Variants in KIAA1958 observed in about 807,000 individuals in gnomAD.
KIAA1958 encodes the protein KIAA1958.
A neutral mutation model predicts 47.2 loss-of-function variants in KIAA1958; 14 were observed. The observed-to-expected ratio is 0.30, with a 90% CI of 0.20 to 0.46. The LOEUF is 0.46. Among genes scored for constraint, KIAA1958 ranks in the 20% least tolerant of loss-of-function variants. The pLI is 1.00. For synonymous variants in KIAA1958, 354 were observed against 353.3 expected, an observed-to-expected ratio of 1.00 and a Z score of -0.02; for missense variants, 803 against 909.2, an observed-to-expected ratio of 0.88 and a Z score of 1.50.
chr9:112,513,425 G>A (rs982140233), intron 1 of KIAA1958, among the ~76,000 whole-genome samples: 2 of 147,264 alleles, frequency 1.4e-5, no homozygotes, highest in African/African-American at 5.0e-5. Context: ...ATGCTGAGGT[G>A]CTTTCCCCTG....
At chr9:112,564,417 A>G (rs1696408611) in intron 1 of KIAA1958, among the ~76,000 whole-genome samples, 1 of 152,142 alleles carries the variant, frequency 6.6e-6, no homozygotes, top group Non-Finnish European at 1.5e-5. Flanking sequence ...AAGGTTCAGA[A>G]CCTTGTAAAC....
chr9:112,603,112 A>G (rs979683511), intron 2 of KIAA1958, among the ~76,000 whole-genome samples: 1 of 152,214 alleles, frequency 6.6e-6, no homozygotes, highest in African/African-American at 2.4e-5. Context: ...AAACAAGTAA[A>G]CAAAGAGATG....
At chr9:112,635,139 G>A (rs1836781215) in intron 2 of KIAA1958, among the ~76,000 whole-genome samples, 2 of 151,600 alleles carry the variant, frequency 1.3e-5, no homozygotes, top group Non-Finnish European at 2.9e-5. Context: ...CTGTTCACTA[G>A]CAGAGTTTGG....
rs375518828 is a variant in KIAA1958 at position 112,604,739 on chromosome 9, T to C, written c.1171+29488T>C. On this transcript the variant is annotated intron_variant, in intron 2 of 3. Coordinates refer to ENST00000337530, the MANE Select transcript of KIAA1958 (RefSeq NM_133465.4). Reference sequence around the variant, plus strand: ...ATGTCCAGAAGTTCTCCCCTTCTTATCATACTCAAGTGAAAGCTTGGGATG... The same window carrying C: ...ATGTCCAGAAGTTCTCCCCTTCTTACCATACTCAAGTGAAAGCTTGGGATG... Among the ~76,000 whole-genome samples the C allele has an allele frequency of 2.9e-4, 44 of 152,158 alleles. No individual in the cohort carries two copies. The South Asian group carries it at 8.7e-3, about 30-fold the overall frequency.
At chr9:112,644,510 A>G (rs919570079) in intron 2 of KIAA1958, among the ~76,000 whole-genome samples, 2 of 152,168 alleles carry the variant, frequency 1.3e-5, no homozygotes, top group African/African-American at 4.8e-5. Context: ...TTACTTTGAG[A>G]TGCTCTACCT....
At chr9:112,613,675 C>T (rs558317970) in intron 2 of KIAA1958, among the ~76,000 whole-genome samples, 9 of 152,162 alleles carry the variant, frequency 5.9e-5, no homozygotes, top group South Asian at 2.1e-4. Context: ...AATATTTGAA[C>T]GGGCACTTCA....
At chr9:112,500,148 C>G (rs1399759193) in intron 1 of KIAA1958, among the ~76,000 whole-genome samples, 1 of 152,036 alleles carries the variant, frequency 6.6e-6, no homozygotes, top group Non-Finnish European at 1.5e-5. Context: ...GTCGCCGAGC[C>G]TGGAGTGCAG....
intron 2 of KIAA1958, among the ~76,000 whole-genome samples, chr9:112,644,742 C>G (rs1028231538): frequency 6.6e-6 from 1 of 152,134 alleles, no homozygotes; most frequent in African/African-American, 2.4e-5. Flanking sequence ...TTTTCTCTCA[C>G]TTGACCTTCC....
At chr9:112,520,482 G>A (rs931771660) in intron 1 of KIAA1958, among the ~76,000 whole-genome samples, 1 of 152,182 alleles carries the variant, frequency 6.6e-6, no homozygotes, top group Admixed American at 6.5e-5. Flanking sequence ...TTCACAGTAA[G>A]AGCTGTGGTA....
intron 3 of KIAA1958, among the ~76,000 whole-genome samples, chr9:112,653,985 A>C (rs1296669331): frequency 1.3e-5 from 2 of 152,192 alleles, no homozygotes; most frequent in East Asian, 1.9e-4. Flanking sequence ...ACACACTGTC[A>C]CTTCTGGTTA....
intron 1 of KIAA1958, among the ~76,000 whole-genome samples, chr9:112,489,474 G>GT (rs5900004): frequency 0.31 from 43,604 of 141,332 alleles, 7,009 homozygotes; most frequent in African/African-American, 0.43. Flanking sequence ...ATGTTTTTGT[G>GT]TTTTTTTTTT....
chr9:112,576,386 C>G (rs1454227361), intron 2 of KIAA1958, among the ~76,000 whole-genome samples: 3 of 152,066 alleles, frequency 2.0e-5, no homozygotes, highest in Non-Finnish European at 2.9e-5. Context: ...AAAATTCACT[C>G]TTTTAAAGTG....
At chr9:112,647,810 A>G (rs1190824525) in intron 3 of KIAA1958, among the ~76,000 whole-genome samples, 1 of 152,232 alleles carries the variant, frequency 6.6e-6, no homozygotes, top group Non-Finnish European at 1.5e-5. Context: ...GCCTGGAGGC[A>G]ATTTCTGAAC....
At chr9:112,522,798 G>T (rs562573422) in intron 1 of KIAA1958, among the ~76,000 whole-genome samples, 1 of 152,196 alleles carries the variant, frequency 6.6e-6, no homozygotes, top group African/African-American at 2.4e-5. Flanking sequence ...TAGTTGAGAA[G>T]GTCTCAGCTC....
chr9:112,525,878 TC>T (rs1834629593), intron 1 of KIAA1958, among the ~76,000 whole-genome samples: 1 of 150,328 alleles, frequency 6.7e-6, no homozygotes, highest in South Asian at 2.1e-4. Context: ...CTTTTAGGGT[TC>T]TTGGAAGTGA....
At position 112,489,654 on chromosome 9, in the gene KIAA1958, A is replaced by T. The variant is rs568515666; in HGVS notation, c.-25+2536A>T. Reference sequence around the variant, plus strand: ...TTATTTTTCATTTTTCATGTTTGAAATTTTTTTCATTTATTTTGACAAATA... The same window carrying T: ...TTATTTTTCATTTTTCATGTTTGAATTTTTTTTCATTTATTTTGACAAATA... On this transcript the variant is annotated intron_variant, in intron 1 of 3. Coordinates refer to ENST00000337530, the MANE Select transcript of KIAA1958 (RefSeq NM_133465.4). Among the ~76,000 whole-genome samples the T allele has an allele frequency of 2.0e-5, 3 of 151,926 alleles. No individual in the cohort carries two copies. The South Asian group carries it at 6.2e-4, about 32-fold the overall frequency.
chr9:112,556,896 G>A, intron 1 of KIAA1958, among the ~76,000 whole-genome samples: 1 of 152,206 alleles, frequency 6.6e-6, no homozygotes, highest in Admixed American at 6.5e-5. Context: ...TGAGCGTACA[G>A]GTGGACAGAA....
At chr9:112,575,523 T>G (rs1327825780) in intron 2 of KIAA1958, among the ~76,000 whole-genome samples, 2 of 152,044 alleles carry the variant, frequency 1.3e-5, no homozygotes, top group African/African-American at 4.8e-5. Flanking sequence ...GGTTGATACC[T>G]GTCAGCTGAA....
chr9:112,588,139 A>G (rs566246983), intron 2 of KIAA1958, among the ~76,000 whole-genome samples: 90 of 152,298 alleles, frequency 5.9e-4, no homozygotes, highest in African/African-American at 1.3e-3. Flanking sequence ...AAGTTTGTCA[A>G]TATTTTTACT....
Sources: allele counts gnomAD v4.1 joint callset (sites outside exome capture counted in the v4.1 genomes callset), GRCh38; gene constraint gnomAD v4.1.1; transcripts MANE v1.5; gene names NCBI Gene and HGNC (gene_info 2026-07-23, HGNC 2026-07-21).